SGSM2: variants seen among roughly 807,000 people sequenced by gnomAD.
SGSM2 encodes the protein RUN and TBC1 domain containing 1.
SGSM2 carries 89 observed loss-of-function variants against 126.6 expected under a neutral mutation model. The observed-to-expected ratio is 0.70, with a 90% confidence interval of 0.59 to 0.84. SGSM2 has a LOEUF of 0.84. Among genes scored for constraint, SGSM2 ranks in the 40% least tolerant of loss-of-function variants. The pLI is 0.00. For missense variants in SGSM2, 1,404 were observed against 1,416.6 expected (o/e 0.99, Z 0.14); for synonymous variants, 614 against 574.3 (o/e 1.07, Z -0.99).
At chr17:2,378,483 A>G (rs1388378768) in intron 22 of SGSM2, among the ~76,000 whole-genome samples, 1 of 151,728 alleles carries the variant, frequency 6.6e-6, no homozygotes, top group South Asian at 2.1e-4. Context: ...GTGAGCTGAG[A>G]TTGTGCCACT....
chr17:2,363,271 C>T lies in SGSM2; in HGVS notation c.672+137C>T. ...GGCTGCCTCAGAAGAGCCTTCTCCG[C>T]ACAATAAAACTTAACACAAATGCCG... is the stretch of plus-strand genomic sequence containing the variant. On this transcript the variant is annotated intron_variant, in intron 6 of 23. Transcript: ENST00000268989. This position sits in a 1 kb window ranked among gnomAD's most constrained non-coding sequence, Gnocchi z 4.2. The T allele has an allele frequency of 7.5e-7, 1 of 1,334,684 alleles. No homozygotes were observed. The highest frequency in any genetic ancestry group is 1.0e-6 in the Non-Finnish European group (1 of 994,650). The allele number at this position is 1,334,684 out of a possible 1,614,324, so 82.7% of individuals were successfully genotyped here.
chr17:2,341,210 C>T (rs910886073), intron 1 of SGSM2, among the ~76,000 whole-genome samples: 6 of 150,196 alleles, frequency 4.0e-5, no homozygotes, highest in African/African-American at 1.5e-4. Flanking sequence ...CCTCTGCCTC[C>T]GGGTTCAAGT....
rs1194374506 is a variant in SGSM2, at chr17:2,362,258, C to T, written c.446C>T (p.Ala149Val). 5.6e-6 allele frequency: 9 copies of T among 1,610,728 alleles called. No homozygotes were observed. The East Asian group carries it at 6.7e-5, about 12-fold the overall frequency. ...CTGGACAAGGTCGTGCAATACCTGG[C>T]GGAAAACTGCAGGTGACCGCCCCGT... ...KVLDKVVQYL[A>V]ENCSKYYEKE... Residue 149 changes from alanine to valine, a missense_variant, in exon 4 of 24, where the codon GCG (alanine) becomes GTG (valine). By Grantham distance (64) the Ala-to-Val change is moderately conservative. Coordinates refer to ENST00000268989, the MANE Select transcript of SGSM2 (RefSeq NM_014853.3). This position sits in a 1 kb window ranked among gnomAD's most constrained non-coding sequence, Gnocchi z 4.9.
At chr17:2,375,190 G>T in intron 17 of SGSM2, 1 of 303,010 alleles carries the variant, frequency 3.3e-6, no homozygotes, top group Non-Finnish European at 6.1e-6. Context: ...GTTCAAACTG[G>T]CCATTGAGCG....
chr17:2,363,790 C>G lies in SGSM2; in HGVS notation c.807+191C>G. On this transcript the variant is annotated intron_variant, in intron 7 of 23. Transcript: ENST00000268989. The surrounding 1 kb of genome is among the most constrained non-coding windows in gnomAD (Gnocchi z 4.2). ...AGTTGGCAGGGGACAGGAATGGCAG[C>G]CAGCAGGCGAGGGGAGTCCGCAGTG... 1.1e-6 allele frequency: 1 copy of G among 944,888 alleles called. No individual in the cohort carries two copies. The highest frequency in any genetic ancestry group is 1.7e-5 in the African/African-American group (1 of 60,452). 58.5% of individuals were successfully genotyped at this position (944,888 alleles called of 1,614,324 possible). A position where few individuals can be genotyped will look rare whatever the true frequency, so the allele number is the denominator to read the frequency against.
intron 12 of SGSM2, among the ~76,000 whole-genome samples, chr17:2,368,824 A>T (rs999052740): frequency 2.6e-5 from 4 of 152,090 alleles, no homozygotes; most frequent in Non-Finnish European, 4.4e-5. Context: ...GCAGTGTGGG[A>T]AGGTTGAGCT....
At chr17:2,361,348 C>T (rs1009377767) in intron 2 of SGSM2, among the ~76,000 whole-genome samples, 1 of 152,206 alleles carries the variant, frequency 6.6e-6, no homozygotes, top group Admixed American at 6.5e-5. Context: ...ACTCATGCCA[C>T]CCTGAATGGG....
intron 1 of SGSM2, among the ~76,000 whole-genome samples, chr17:2,338,616 T>C (rs2064196389): frequency 6.6e-6 from 1 of 152,050 alleles, no homozygotes; most frequent in African/African-American, 2.4e-5. Flanking sequence ...GTCCACTGCC[T>C]TGTATCCAGT....
rs557962029 is a variant in SGSM2, at chr17:2,345,149, G to T, written c.133+1529G>T. Among the ~76,000 whole-genome samples the T allele has an allele frequency of 3.9e-5, 6 of 152,198 alleles. No individual in the cohort carries two copies. The East Asian group carries it at 1.2e-3, about 29-fold the overall frequency. ...AAAAAAAAAGGCATGCCAGTATTAT[G>T]ATAAGCAACTTTGAAGAGTATTAGA... On this transcript the variant is annotated intron_variant, in intron 2 of 23. Coordinates refer to ENST00000268989, the MANE Select transcript of SGSM2 (RefSeq NM_014853.3).
chr17:2,370,458 AC>A (rs1430589731), intron 12 of SGSM2, among the ~76,000 whole-genome samples: 1 of 152,256 alleles, frequency 6.6e-6, no homozygotes, highest in African/African-American at 2.4e-5. Context: ...TGAGGCTGCA[AC>A]TGGGCCTGTT....
intron 1 of SGSM2, among the ~76,000 whole-genome samples, chr17:2,341,943 C>T (rs1464157414): frequency 6.6e-6 from 1 of 152,192 alleles, no homozygotes; most frequent in Admixed American, 6.5e-5. Context: ...CACCCAAACG[C>T]CGGGTGTTTG....
chr17:2,342,055 A>G (rs2064389840), intron 1 of SGSM2, among the ~76,000 whole-genome samples: 1 of 152,342 alleles, frequency 6.6e-6, no homozygotes, highest in South Asian at 2.1e-4. Flanking sequence ...TTTCAGAATG[A>G]CACAGGTGAG....
Position 2,379,821 on chromosome 17 carries a change from C to G in SGSM2, c.*301C>G. On this transcript the variant is annotated 3_prime_UTR_variant, in exon 24 of 24. Transcript: ENST00000268989. ...GGAGTAGCCCCACTGCCACCTGCAG[C>G]CGCAGCCTGGACTGCTGCCCACGAG... is the stretch of plus-strand genomic sequence containing the variant. 1 of 1,326,224 alleles carries G rather than the reference C, an allele frequency of 7.5e-7. No individual in the cohort carries two copies. The highest frequency in any genetic ancestry group is 9.7e-7 in the Non-Finnish European group (1 of 1,033,264). 82.2% of individuals were successfully genotyped at this position (1,326,224 alleles called of 1,614,324 possible). A position where few individuals can be genotyped will look rare whatever the true frequency, so the allele number is the denominator to read the frequency against.
Position 2,375,679 on chromosome 17 carries a change from G to A in SGSM2, c.2288G>A (p.Gly763Asp). ...TCTCGCAATTACTCCGTGGCCTCGG[G>A]CATCCAGTCAAGCCTAGATGAGGGG... is the stretch of plus-strand genomic sequence containing the variant. ...PSSRNYSVAS[G>D]IQSSLDEGQS... The change falls in exon 18 of 24, where the codon GGC (glycine) becomes GAC (aspartate). Residue 763 changes from glycine to aspartate, a missense_variant. Physicochemically the swap from Gly to Asp is moderately conservative, Grantham distance 94. Transcript: ENST00000268989. 1 of 1,613,924 alleles carries A rather than the reference G, an allele frequency of 6.2e-7. No individual in the cohort carries two copies. The highest frequency in any genetic ancestry group is 8.5e-7 in the Non-Finnish European group (1 of 1,179,946).
At chr17:2,378,629 T>C (rs1393963510) in intron 22 of SGSM2, among the ~76,000 whole-genome samples, 2 of 152,154 alleles carry the variant, frequency 1.3e-5, no homozygotes, top group African/African-American at 4.8e-5. Flanking sequence ...ACAACTCTCA[T>C]AGATCATAGT....
intron 19 of SGSM2, chr17:2,376,503 G>A (rs751428762): frequency 8.5e-5 from 56 of 661,702 alleles, no homozygotes; most frequent in African/African-American, 1.8e-4. Flanking sequence ...CCGCACCCCC[G>A]CCCCACATAC....
chr17:2,375,561 GAGCAGGA>G lies in SGSM2; in HGVS notation c.2178_2184del (p.Glu726AspfsTer41). On this transcript the variant is annotated frameshift_variant, in exon 18 of 24. Transcript: ENST00000268989. LOFTEE classifies it high-confidence loss of function. ...CCCTGAAGATTCCAGACCAAAACCT[GAGCAGGA>G]AGCAGGACCCGGGACTCCGGGCACC... 1 of 1,613,914 alleles carries G rather than the reference GAGCAGGA, an allele frequency of 6.2e-7. No individual in the cohort carries two copies. The highest frequency in any genetic ancestry group is 8.5e-7 in the Non-Finnish European group (1 of 1,180,010).
rs371455252 is a variant in SGSM2 at position 2,373,094 on chromosome 17, T to C, written c.1917+13T>C. On this transcript the variant is annotated intron_variant, in intron 16 of 23. Transcript: ENST00000268989. The stretch of plus-strand genomic sequence containing the variant: ...GGAGATGGAGCAGGTGAGGGGAGCC[T>C]GTTCCCATGGGGCTGATGAGATGGG... The C allele has an allele frequency of 1.2e-4, 196 of 1,596,514 alleles. No homozygotes were observed. Among genetic ancestry groups the C allele is most frequent in the Non-Finnish European group, 1.6e-4 (193 of 1,173,238 alleles).
chr17:2,362,181 C>T lies in SGSM2; in HGVS notation c.369C>T (p.Ser123=). ...CCAGCGGGAAGGCCCCGGCCCTCAG[C>T]CCTCAGGCCTTGAAACACGTATGGG... ...GSASGKAPAL[S]PQALKHVWVR... The change falls in exon 4 of 24, where the codon AGC becomes AGT. Residue 123 remains serine, a synonymous_variant. Coordinates refer to ENST00000268989, the MANE Select transcript of SGSM2 (RefSeq NM_014853.3). The surrounding 1 kb of genome is among the most constrained non-coding windows in gnomAD (Gnocchi z 4.9). The T allele has an allele frequency of 6.2e-7, 1 of 1,613,908 alleles. No homozygotes were observed. Among genetic ancestry groups the T allele is most frequent in the Non-Finnish European group, 8.5e-7 (1 of 1,179,976 alleles).
Sources: allele counts gnomAD v4.1 joint callset (sites outside exome capture counted in the v4.1 genomes callset), GRCh38; gene constraint gnomAD v4.1.1; non-coding constraint Gnocchi (gnomAD v3.1); transcripts MANE v1.5; gene names NCBI Gene and HGNC (gene_info 2026-07-23, HGNC 2026-07-21).